The following DPP10 variants were observed in gnomAD, a reference collection of about 807,000 sequenced individuals.
DPP10 encodes the protein inactive dipeptidyl peptidase 10.
Under a neutral mutation model 120.9 loss-of-function variants are expected in DPP10, and 33 were observed. The ratio of observed to expected loss-of-function variants is 0.27; its 90% CI spans 0.21 to 0.37. DPP10 has a LOEUF of 0.37. Ranked by LOEUF, DPP10 falls within the 10% of genes least tolerant of loss-of-function variation. The pLI, the probability that DPP10 is intolerant of heterozygous loss-of-function variation, is 1.00. For missense variants in DPP10, 816 were observed against 942.8 expected, an observed-to-expected ratio of 0.87 and a Z score of 1.76; for synonymous variants, 337 against 326.1, an observed-to-expected ratio of 1.03 and a Z score of -0.36.
At chr2:115,251,023 C>T (rs570217063) in intron 1 of DPP10, among the ~76,000 whole-genome samples, 1 of 152,200 alleles carries the variant, frequency 6.6e-6, no homozygotes, top group African/African-American at 2.4e-5. Context: ...CTTTCGTCCC[C>T]GGTGGCTTTG....
chr2:115,097,847 C>A (rs1450242221), intron 1 of DPP10, among the ~76,000 whole-genome samples: 1 of 152,066 alleles, frequency 6.6e-6, no homozygotes. Flanking sequence ...TACTAGCTTT[C>A]TACAGAGATC....
intron 1 of DPP10, among the ~76,000 whole-genome samples, chr2:115,259,279 C>T (rs1374033172): frequency 3.9e-5 from 6 of 151,964 alleles, no homozygotes; most frequent in African/African-American, 1.2e-4. Context: ...ATTGGGAGTT[C>T]GAGACCACCC....
intron 1 of DPP10, among the ~76,000 whole-genome samples, chr2:114,475,166 T>A (rs189929652): frequency 2.0e-5 from 3 of 152,312 alleles, no homozygotes; most frequent in Admixed American, 1.3e-4. Context: ...CACACAAGCA[T>A]GTTATTTTTC....
intron 1 of DPP10, among the ~76,000 whole-genome samples, chr2:114,940,417 G>A (rs1462284264): frequency 6.6e-6 from 1 of 152,110 alleles, no homozygotes; most frequent in East Asian, 1.9e-4. Context: ...ATCAGAGAGA[G>A]AGAAAGATAC....
At chr2:115,672,689 T>TCTTTCTTTCTTC (rs2089987694) in intron 5 of DPP10, among the ~76,000 whole-genome samples, 1 of 144,586 alleles carries the variant, frequency 6.9e-6, no homozygotes. Flanking sequence ...TCTCTTTCTT[T>TCTTTCTTTCTTC]CTTTCTTTCT....
At position 115,324,052 on chromosome 2, in the gene DPP10, C is replaced by T. The variant is rs555856660; in HGVS notation, c.175+14699C>T. On this transcript the variant is annotated intron_variant, in intron 2 of 25. Transcript: ENST00000410059. ...CCAGGCATTGACTTTTCCTCTCTAG[C>T]TATGAAAGTCCTAGATAGATCAAGA... Among the ~76,000 whole-genome samples, 22 of 152,200 alleles carry T rather than the reference C, an allele frequency of 1.4e-4. 2 individuals carry two copies. The South Asian group carries it at 4.6e-3, about 32-fold the overall frequency.
chr2:115,096,087 T>C (rs1709719920), intron 1 of DPP10, among the ~76,000 whole-genome samples: 1 of 152,148 alleles, frequency 6.6e-6, no homozygotes, highest in South Asian at 2.1e-4. Context: ...CTACCCAAGG[T>C]ACACATGTAT....
chr2:115,361,734 G>A (rs971955291), intron 3 of DPP10, among the ~76,000 whole-genome samples: 1 of 152,012 alleles, frequency 6.6e-6, no homozygotes, highest in Admixed American at 6.5e-5. Context: ...CTGAGAGCCA[G>A]TTCTGGTGCT....
chr2:115,834,184 T>C (rs989196642), intron 21 of DPP10, among the ~76,000 whole-genome samples: 1 of 152,206 alleles, frequency 6.6e-6, no homozygotes, highest in Non-Finnish European at 1.5e-5. Context: ...CATTCAGTAA[T>C]GAATGACTGC....
At chr2:114,714,762 G>T (rs528013204) in intron 1 of DPP10, among the ~76,000 whole-genome samples, 1 of 151,662 alleles carries the variant, frequency 6.6e-6, no homozygotes, top group South Asian at 2.1e-4. Flanking sequence ...GTCTATGATT[G>T]TTTTTTTTGT....
intron 5 of DPP10, among the ~76,000 whole-genome samples, chr2:115,568,981 T>C (rs1389398969): frequency 6.6e-6 from 1 of 152,210 alleles, no homozygotes; most frequent in Non-Finnish European, 1.5e-5. Flanking sequence ...TATGTGATAG[T>C]CTTCCTTAGT....
intron 4 of DPP10, among the ~76,000 whole-genome samples, chr2:115,513,526 T>C (rs528632907): frequency 4.1e-4 from 62 of 152,090 alleles, no homozygotes; most frequent in African/African-American, 1.2e-3. Context: ...CTATTGTTCC[T>C]TTTTACTATT....
chr2:114,914,680 G>A (rs576770536), intron 1 of DPP10, among the ~76,000 whole-genome samples: 2 of 152,174 alleles, frequency 1.3e-5, no homozygotes, highest in South Asian at 4.1e-4. Flanking sequence ...AGAAAGACAG[G>A]ATCAAATCCT....
intron 1 of DPP10, among the ~76,000 whole-genome samples, chr2:115,255,166 C>T (rs551593489): frequency 5.9e-5 from 9 of 152,332 alleles, no homozygotes; most frequent in Admixed American, 5.9e-4. Context: ...GAAATCTAGG[C>T]GGAGGTTCCC....
At chr2:114,773,629 T>C (rs1264056210) in intron 1 of DPP10, among the ~76,000 whole-genome samples, 2 of 152,228 alleles carry the variant, frequency 1.3e-5, no homozygotes, top group African/African-American at 2.4e-5. Context: ...AAAGGTATTA[T>C]ATAAAACCAA....
chr2:115,704,485 C>T lies in DPP10; in HGVS notation c.576+14564C>T, dbSNP rs550069114. Among the ~76,000 whole-genome samples the T allele has an allele frequency of 7.9e-5, 12 of 152,002 alleles. No individual in the cohort carries two copies. The East Asian group carries it at 2.1e-3, about 27-fold the overall frequency. On this transcript the variant is annotated intron_variant, in intron 7 of 25. Coordinates refer to ENST00000410059, the MANE Select transcript of DPP10 (RefSeq NM_020868.6). The stretch of plus-strand genomic sequence containing the variant: ...TTTTTCTCTCTCATTTGTTTTTCTC[C>T]TCCTCCATTTCTTCCTCCTCCTTTT...
At chr2:115,570,217 T>C (rs11902747) in intron 5 of DPP10, among the ~76,000 whole-genome samples, 1,677 of 152,318 alleles carry the variant, frequency 0.011, 29 homozygotes, top group African/African-American at 0.039. Context: ...GCTTAGTTGA[T>C]GGAAACTGAG....
intron 1 of DPP10, among the ~76,000 whole-genome samples, chr2:114,590,194 G>A (rs1455885644): frequency 6.6e-6 from 1 of 152,074 alleles, no homozygotes. Context: ...TTTATATAAT[G>A]AATTGCTCCT....
intron 1 of DPP10, among the ~76,000 whole-genome samples, chr2:115,306,437 C>T (rs111542850): frequency 2.1e-4 from 32 of 152,196 alleles, no homozygotes; most frequent in African/African-American, 7.5e-4. Flanking sequence ...TTCTCAAAAG[C>T]AGATTGTGCT....
Sources: gnomAD v4.1 joint callset for allele counts (sites outside exome capture counted in the v4.1 genomes callset) on GRCh38, gnomAD v4.1.1 for gene constraint, MANE v1.5 for transcripts, NCBI Gene and HGNC (gene_info 2026-07-23, HGNC 2026-07-21) for gene names.